The following GALNT17 variants were observed in gnomAD, a reference collection of about 807,000 sequenced individuals.
GALNT17 encodes polypeptide N-acetylgalactosaminyltransferase 17, also known as UDP-GalNAc:polypeptide N-acetylgalactosaminyltransferase-like 3.
Under a neutral mutation model 63.7 loss-of-function variants are expected in GALNT17, and 29 were observed. That is an observed-to-expected ratio of 0.46 (90% CI 0.34 to 0.62). The LOEUF (loss-of-function observed/expected upper bound fraction) is 0.62, where lower values mean the gene tolerates loss of function less well. Ranked by LOEUF, GALNT17 falls within the 20% of genes least tolerant of loss-of-function variation. The probability of loss-of-function intolerance (pLI) is 0.01; values close to 1 mark genes in which losing one functional copy is unlikely to be tolerated. For synonymous variants in GALNT17, 305 were observed against 318.3 expected, an observed-to-expected ratio of 0.96 and a Z score of 0.45; for missense variants, 603 against 799.6, an observed-to-expected ratio of 0.75 and a Z score of 2.97.
intron 5 of GALNT17, among the ~76,000 whole-genome samples, chr7:71,464,392 C>A (rs912922770): frequency 6.6e-5 from 10 of 152,118 alleles, no homozygotes; most frequent in Admixed American, 6.5e-4. Context: ...GGAGCCTAAC[C>A]AAGGATTGGT....
intron 1 of GALNT17, among the ~76,000 whole-genome samples, chr7:71,186,002 C>G (rs1334536014): frequency 6.6e-6 from 1 of 152,056 alleles, no homozygotes; most frequent in Non-Finnish European, 1.5e-5. Context: ...ATTCAAGATT[C>G]CTTTATGCCC....
At chr7:71,340,513 C>T (rs1004569076) in intron 2 of GALNT17, among the ~76,000 whole-genome samples, 1 of 152,076 alleles carries the variant, frequency 6.6e-6, no homozygotes, top group African/African-American at 2.4e-5. Flanking sequence ...GTATGGCATG[C>T]GAGTTGTAAG....
chr7:71,519,272 T>G (rs780427984), intron 5 of GALNT17, among the ~76,000 whole-genome samples: 6 of 152,196 alleles, frequency 3.9e-5, no homozygotes, highest in Non-Finnish European at 8.8e-5. Context: ...CATTATCTTA[T>G]GGAAGTCAGC....
intron 5 of GALNT17, among the ~76,000 whole-genome samples, chr7:71,530,393 T>C (rs1307286708): frequency 1.3e-5 from 2 of 152,166 alleles, no homozygotes; most frequent in African/African-American, 4.8e-5. Flanking sequence ...AAAGGACGAA[T>C]GTTAGGAGAT....
At chr7:71,517,318 G>A (rs1788460927) in intron 5 of GALNT17, among the ~76,000 whole-genome samples, 1 of 151,988 alleles carries the variant, frequency 6.6e-6, no homozygotes, top group Non-Finnish European at 1.5e-5. Flanking sequence ...TTCATCATTG[G>A]GGCCCCACTC....
chr7:71,495,232 T>C (rs1194468190), intron 5 of GALNT17, among the ~76,000 whole-genome samples: 8 of 151,838 alleles, frequency 5.3e-5, no homozygotes, highest in South Asian at 2.1e-4. Flanking sequence ...GCTGAGACTG[T>C]GCCACTGCAC....
chr7:71,348,196 G>A (rs909143212), intron 2 of GALNT17, among the ~76,000 whole-genome samples: 1 of 151,988 alleles, frequency 6.6e-6, no homozygotes, highest in Non-Finnish European at 1.5e-5. Context: ...GGGAGAAGGA[G>A]GTGGCAGTGA....
intron 5 of GALNT17, among the ~76,000 whole-genome samples, chr7:71,484,605 A>G (rs73367513): frequency 0.042 from 6,359 of 152,202 alleles, 245 homozygotes; most frequent in African/African-American, 0.1. Flanking sequence ...CTATGATGTT[A>G]TGGCAGCTAC....
chr7:71,620,021 AC>A (rs1790268725), intron 6 of GALNT17, among the ~76,000 whole-genome samples: 1 of 150,866 alleles, frequency 6.6e-6, no homozygotes, highest in Non-Finnish European at 1.5e-5. Context: ...TTTATTGAAA[AC>A]CTTTTCTCTG....
In GALNT17 at chr7:71,339,943, T is replaced by C. The variant is rs558033625; in HGVS notation, c.422+4210T>C. ...TACAAGGAAAAAAAACCACAACAGG[T>C]TGGGTGATGATCACAGGGAAGAGAG... On this transcript the variant is annotated intron_variant, in intron 2 of 10. Transcript: ENST00000333538. Among the ~76,000 whole-genome samples, 27 of 151,916 alleles carry C rather than the reference T, an allele frequency of 1.8e-4. No individual in the cohort carries two copies. The East Asian group carries it at 2.1e-3, about 12-fold the overall frequency.
At chr7:71,692,126 G>C (rs1415134873) in intron 9 of GALNT17, among the ~76,000 whole-genome samples, 1 of 152,052 alleles carries the variant, frequency 6.6e-6, no homozygotes, top group Non-Finnish European at 1.5e-5. Flanking sequence ...GCCTTGCTGT[G>C]TTGACCAAGC....
chr7:71,564,278 C>CTTTTTTTTTTTTTTTTTTTTTTTTTTTT (rs10539122), intron 5 of GALNT17, among the ~76,000 whole-genome samples: 1 of 98,012 alleles, frequency 1.0e-5, no homozygotes, highest in Non-Finnish European at 1.9e-5. Flanking sequence ...CTTTTCTTTT[C>CTTTTTTTTTTTTTTTTTTTTTTTTTTTT]TTTTTTTTTT....
rs147246976 is a variant in GALNT17 at position 71,214,826 on chromosome 7, C to T, written c.238+81786C>T. Among the ~76,000 whole-genome samples, 47 of 152,292 alleles carry T rather than the reference C, an allele frequency of 3.1e-4. No homozygotes were observed. The East Asian group carries it at 8.3e-3, about 27-fold the overall frequency. ...CTCCTGACCTCAGGCAATCCACCTG[C>T]CTGGGCCTCCCAAAGTGCTGGGATT... On this transcript the variant is annotated intron_variant, in intron 1 of 10. Transcript: ENST00000333538.
At chr7:71,406,738 T>TG (rs1188304999) in intron 3 of GALNT17, among the ~76,000 whole-genome samples, 1 of 26,658 alleles carries the variant, frequency 3.8e-5, no homozygotes. Context: ...TTCCAGGTGG[T>TG]TTTTTTTTTT....
intron 5 of GALNT17, among the ~76,000 whole-genome samples, chr7:71,449,183 G>A (rs578114058): frequency 8.1e-5 from 11 of 135,768 alleles, no homozygotes; most frequent in Admixed American, 7.6e-4. Context: ...CGCGATCTTG[G>A]CTCACTGCAG....
intron 6 of GALNT17, among the ~76,000 whole-genome samples, chr7:71,646,747 CTTTT>C (rs60956531): frequency 6.2e-5 from 8 of 128,088 alleles, no homozygotes; most frequent in African/African-American, 2.4e-4. Context: ...TCCAAGTTTC[CTTTT>C]TTTTTTTTTT....
At chr7:71,648,573 C>T (rs1584111701) in intron 6 of GALNT17, among the ~76,000 whole-genome samples, 1 of 151,958 alleles carries the variant, frequency 6.6e-6, no homozygotes, top group South Asian at 2.1e-4. Context: ...ATGCTTGGTC[C>T]ACTCCTTTTT....
intron 2 of GALNT17, among the ~76,000 whole-genome samples, chr7:71,345,147 G>GTTTTTTTTTTTTT (rs67919212): frequency 5.7e-5 from 8 of 139,428 alleles, no homozygotes; most frequent in Non-Finnish European, 6.3e-5. Flanking sequence ...GTTGTTTTTT[G>GTTTTTTTTTTTTT]TTTTTTTTTT....
At chr7:71,515,851 G>A (rs1788436955) in intron 5 of GALNT17, among the ~76,000 whole-genome samples, 1 of 152,130 alleles carries the variant, frequency 6.6e-6, no homozygotes, top group Non-Finnish European at 1.5e-5. Flanking sequence ...AGGGTTTTGA[G>A]GACTTCAATA....
Sources: allele counts gnomAD v4.1 joint callset (sites outside exome capture counted in the v4.1 genomes callset), GRCh38; gene constraint gnomAD v4.1.1; transcripts MANE v1.5; gene names NCBI Gene and HGNC (gene_info 2026-07-23, HGNC 2026-07-21).